The following EXOC6 variants were observed in gnomAD, a reference collection of about 807,000 sequenced individuals.
EXOC6 encodes the protein exocyst complex component 6.
Under a neutral mutation model 112.5 loss-of-function variants are expected in EXOC6, and 60 were observed. The observed-to-expected ratio is 0.53, with a 90% CI of 0.43 to 0.66. The LOEUF is 0.66. EXOC6 is among the 30% of genes least tolerant of loss of function. The pLI, the probability that EXOC6 is intolerant of heterozygous loss-of-function variation, is 0.00. For missense variants in EXOC6, 855 were observed against 957.1 expected (o/e 0.89, Z 1.41); for synonymous variants, 295 against 308.0 (o/e 0.96, Z 0.44).
chr10:92,933,608 G>A (rs996655591), intron 9 of EXOC6, among the ~76,000 whole-genome samples: 1 of 152,120 alleles, frequency 6.6e-6, no homozygotes, highest in African/African-American at 2.4e-5. Flanking sequence ...ATTGAAATAT[G>A]AAATATTTCA....
intron 1 of EXOC6, among the ~76,000 whole-genome samples, chr10:92,835,219 A>G (rs574062471): frequency 1.9e-3 from 284 of 152,302 alleles, no homozygotes; most frequent in African/African-American, 6.2e-3. Flanking sequence ...AAAAATGTAG[A>G]CCATTTATTT....
In EXOC6 at chr10:92,934,208, A is replaced by G; in HGVS notation, c.1019+18A>G. 1 of 1,532,376 alleles carries G rather than the reference A, an allele frequency of 6.5e-7. No individual in the cohort carries two copies. Among genetic ancestry groups the G allele is most frequent in the Non-Finnish European group, 8.9e-7 (1 of 1,128,874 alleles). The allele number at this position is 1,532,376 out of a possible 1,614,324, so 94.9% of individuals were successfully genotyped here. A position where few individuals can be genotyped will look rare whatever the true frequency, so the allele number is the denominator to read the frequency against. ...ATTGTAGGGTATGTATCTAATATGG[A>G]AATAACTATTATTAATTTTATATTA... is the stretch of plus-strand genomic sequence containing the variant. On this transcript the variant is annotated intron_variant, in intron 10 of 21. Transcript: ENST00000260762.
intron 6 of EXOC6, among the ~76,000 whole-genome samples, chr10:92,914,616 A>AATAC (rs948742253): frequency 1.2e-4 from 19 of 152,348 alleles, no homozygotes; most frequent in African/African-American, 4.6e-4. Flanking sequence ...AGGGAAAGGG[A>AATAC]ATACACAGGA....
At chr10:92,828,813 A>T (rs1234033954) in intron 1 of EXOC6, among the ~76,000 whole-genome samples, 1 of 151,188 alleles carries the variant, frequency 6.6e-6, no homozygotes, top group Non-Finnish European at 1.5e-5. Context: ...CTCCGCCAAG[A>T]CTGAGCAGGA....
chr10:92,968,185 T>A (rs1181331711), intron 17 of EXOC6, among the ~76,000 whole-genome samples: 1 of 47,438 alleles, frequency 2.1e-5, no homozygotes, highest in Non-Finnish European at 4.0e-5. Context: ...GTTTCACCTT[T>A]TTTTTTTTTT....
intron 6 of EXOC6, among the ~76,000 whole-genome samples, chr10:92,914,615 G>A (rs969273822): frequency 3.3e-5 from 5 of 152,176 alleles, no homozygotes; most frequent in African/African-American, 1.2e-4. Flanking sequence ...GAGGGAAAGG[G>A]AATACACAGG....
chr10:92,833,151 G>A (rs531099252), upstream of EXOC6, among the ~76,000 whole-genome samples: 183 of 152,280 alleles, frequency 1.2e-3, no homozygotes, highest in African/African-American at 4.3e-3. Context: ...TGCCATTGCT[G>A]TATAACCCAT....
At position 93,058,738 on chromosome 10, in the gene EXOC6, C is replaced by T. The variant is rs1301717247; in HGVS notation, c.*383C>T. The T allele has an allele frequency of 6.5e-6, 1 of 153,600 alleles. No individual in the cohort carries two copies. Among genetic ancestry groups the T allele is most frequent in the East Asian group, 1.9e-4 (1 of 5,238 alleles). 9.5% of individuals were successfully genotyped at this position (153,600 alleles called of 1,614,324 possible). On this transcript the variant is annotated 3_prime_UTR_variant, in exon 22 of 22. Coordinates refer to ENST00000260762, the MANE Select transcript of EXOC6 (RefSeq NM_019053.6). ...TTGATCAGTATATGGCTTTGGAATT[C>T]AATCATGTCTGATATGGTAGTATTT...
chr10:92,848,694 A>G, intron 1 of EXOC6, 60 bp downstream of exon 1: 1 of 1,229,356 alleles, frequency 8.1e-7, no homozygotes, highest in South Asian at 2.0e-5. Flanking sequence ...GCTCCTCACG[A>G]GCCGGGCGGG....
At chr10:92,868,197 A>G (rs1589730483) in intron 1 of EXOC6, among the ~76,000 whole-genome samples, 1 of 152,030 alleles carries the variant, frequency 6.6e-6, no homozygotes, top group African/African-American at 2.4e-5. Flanking sequence ...TGGTACTTGT[A>G]TGGTGTTTTT....
chr10:92,840,985 A>C (rs911707333), intron 1 of EXOC6, among the ~76,000 whole-genome samples: 1 of 152,132 alleles, frequency 6.6e-6, no homozygotes, highest in Admixed American at 6.6e-5. Context: ...GTGACGTTTC[A>C]CTGTCTGTTT....
At chr10:92,863,495 G>A (rs1848004975) in intron 1 of EXOC6, among the ~76,000 whole-genome samples, 2 of 152,196 alleles carry the variant, frequency 1.3e-5, no homozygotes, top group African/African-American at 4.8e-5. Context: ...GATGTCTTGA[G>A]GCTGGGTGCA....
At chr10:93,020,223 T>G (rs1844722146) in intron 20 of EXOC6, among the ~76,000 whole-genome samples, 1 of 152,168 alleles carries the variant, frequency 6.6e-6, no homozygotes, top group African/African-American at 2.4e-5. Flanking sequence ...TGTTTTCACA[T>G]TTTTCTCACT....
intron 17 of EXOC6, among the ~76,000 whole-genome samples, chr10:92,957,128 GATTGTTAGCTTTT>G (rs1853736135): frequency 1.3e-5 from 2 of 152,084 alleles, no homozygotes; most frequent in South Asian, 4.1e-4. Context: ...AGGACAAATT[GATTGTTAGCTTTT>G]ATGTTAGATT....
chr10:92,911,025 G>A (rs914162371), intron 6 of EXOC6, among the ~76,000 whole-genome samples: 1 of 56,864 alleles, frequency 1.8e-5, no homozygotes, highest in Non-Finnish European at 3.4e-5. Flanking sequence ...AATGATGGGA[G>A]TTCATGATAT....
intron 1 of EXOC6, among the ~76,000 whole-genome samples, chr10:92,889,748 T>C (rs1433863559): frequency 2.0e-5 from 3 of 152,096 alleles, no homozygotes; most frequent in East Asian, 1.9e-4. Flanking sequence ...TTCTTTTTTT[T>C]TTTCTTTCTT....
At chr10:93,040,165 C>T (rs904316028) in intron 20 of EXOC6, among the ~76,000 whole-genome samples, 1 of 152,214 alleles carries the variant, frequency 6.6e-6, no homozygotes, top group African/African-American at 2.4e-5. Flanking sequence ...TAATGAGGCT[C>T]TCATCTTCCT....
chr10:93,029,441 T>C (rs1161172646), intron 20 of EXOC6, among the ~76,000 whole-genome samples: 1 of 152,230 alleles, frequency 6.6e-6, no homozygotes, highest in African/African-American at 2.4e-5. Flanking sequence ...TGTTCTCTTT[T>C]GTGAATAACC....
At chr10:92,956,358 CTT>C (rs1303305664) in intron 17 of EXOC6, among the ~76,000 whole-genome samples, 5 of 152,066 alleles carry the variant, frequency 3.3e-5, no homozygotes, top group Non-Finnish European at 7.4e-5. Context: ...GTACTGATCA[CTT>C]ATCTGTAAAA....
Sources: gnomAD v4.1 joint callset for allele counts (sites outside exome capture counted in the v4.1 genomes callset) on GRCh38, gnomAD v4.1.1 for gene constraint, MANE v1.5 for transcripts, NCBI Gene and HGNC (gene_info 2026-07-23, HGNC 2026-07-21) for gene names.